Variants in TTC27 observed in about 807,000 individuals in gnomAD.
TTC27 encodes tetratricopeptide repeat protein 27.
TTC27 carries 79 observed loss-of-function variants against 115.9 expected under a neutral mutation model. That is an observed-to-expected ratio of 0.68 (90% CI 0.57 to 0.82). The LOEUF is 0.82. Among genes scored for constraint, TTC27 ranks in the 40% least tolerant of loss-of-function variants. TTC27 has a pLI of 0.00. For synonymous variants in TTC27, 401 were observed against 356.0 expected, an observed-to-expected ratio of 1.13 and a Z score of -1.42; for missense variants, 1,054 against 993.1, an observed-to-expected ratio of 1.06 and a Z score of -0.82.
intron 12 of TTC27, among the ~76,000 whole-genome samples, chr2:32,748,067 CT>C (rs36097812): frequency 4.6e-5 from 7 of 151,732 alleles, no homozygotes; most frequent in Non-Finnish European, 1.0e-4. Context: ...GATTTGAGAA[CT>C]TTTTTTTCAA....
intron 13 of TTC27, among the ~76,000 whole-genome samples, chr2:32,762,172 G>T (rs555901232): frequency 6.6e-6 from 1 of 152,154 alleles, no homozygotes; most frequent in African/African-American, 2.4e-5. Flanking sequence ...TGTTGGAGTC[G>T]GCTTTGAAAG....
At chr2:32,804,800 G>T (rs1281659693) in intron 16 of TTC27, among the ~76,000 whole-genome samples, 2 of 151,664 alleles carry the variant, frequency 1.3e-5, no homozygotes, top group East Asian at 3.9e-4. Flanking sequence ...AGATTAGAAA[G>T]AAATTTATTC....
chr2:32,711,309 C>T (rs10153736), intron 10 of TTC27, among the ~76,000 whole-genome samples: 46,938 of 151,946 alleles, frequency 0.31, 8,044 homozygotes, highest in Non-Finnish European at 0.38. Context: ...CTTCTGCCTC[C>T]GCAGGGTAGT....
At chr2:32,741,657 AC>A (rs1343414781) in intron 12 of TTC27, among the ~76,000 whole-genome samples, 1 of 118,674 alleles carries the variant, frequency 8.4e-6, no homozygotes, top group African/African-American at 3.5e-5. Context: ...AATAAAAAAA[AC>A]AAAAAACAAA....
intron 9 of TTC27, among the ~76,000 whole-genome samples, chr2:32,700,845 A>G (rs1667161014): frequency 6.6e-6 from 1 of 152,216 alleles, no homozygotes; most frequent in Admixed American, 6.5e-5. Flanking sequence ...CTGCCTGAAA[A>G]GTCTTGAGAT....
chr2:32,729,131 C>T (rs572171410), intron 10 of TTC27, among the ~76,000 whole-genome samples: 28 of 152,242 alleles, frequency 1.8e-4, no homozygotes, highest in East Asian at 5.8e-4. Context: ...CCAATGAACA[C>T]GTAGATGTCA....
At chr2:32,670,942 GTTGT>G (rs1015958387) in intron 7 of TTC27, among the ~76,000 whole-genome samples, 8 of 104,676 alleles carry the variant, frequency 7.6e-5, no homozygotes, top group African/African-American at 2.1e-4. Flanking sequence ...TTTAATTTGA[GTTGT>G]TTGTCTTCTT....
intron 9 of TTC27, among the ~76,000 whole-genome samples, chr2:32,692,777 G>A (rs1219315680): frequency 6.6e-6 from 1 of 152,036 alleles, no homozygotes; most frequent in Non-Finnish European, 1.5e-5. Context: ...TTCAAGACCA[G>A]CCTGGCCAAC....
At chr2:32,676,243 A>T (rs1274932543) in intron 8 of TTC27, among the ~76,000 whole-genome samples, 1 of 151,104 alleles carries the variant, frequency 6.6e-6, no homozygotes, top group African/African-American at 2.4e-5. Context: ...CCTCTCTTAT[A>T]CCTCATTCTA....
At chr2:32,784,512 T>C (rs1186672883) in intron 15 of TTC27, among the ~76,000 whole-genome samples, 1 of 152,238 alleles carries the variant, frequency 6.6e-6, no homozygotes, top group Non-Finnish European at 1.5e-5. Context: ...ACTAAAGTGC[T>C]CTCTTTGCTG....
chr2:32,690,013 G>C (rs1341333312), intron 9 of TTC27, among the ~76,000 whole-genome samples: 2 of 152,098 alleles, frequency 1.3e-5, no homozygotes, highest in Admixed American at 6.6e-5. Flanking sequence ...TGGGGAACTG[G>C]GTGAAGGATA....
chr2:32,773,312 TG>T (rs1558336584), intron 13 of TTC27, among the ~76,000 whole-genome samples: 1 of 152,222 alleles, frequency 6.6e-6, no homozygotes, highest in East Asian at 1.9e-4. Context: ...CCTCCATTCT[TG>T]CCCCATCCTG....
intron 12 of TTC27, among the ~76,000 whole-genome samples, chr2:32,754,795 C>T (rs182979077): frequency 0.34 from 47,736 of 140,826 alleles, 8,646 homozygotes; most frequent in Non-Finnish European, 0.38. Flanking sequence ...ACCTCCCTCC[C>T]GGACGGGGCG....
rs182338408 is a variant in TTC27, at chr2:32,803,994, G to A, written c.1999-7030G>A. On this transcript the variant is annotated intron_variant, in intron 16 of 19. Coordinates refer to ENST00000317907, the MANE Select transcript of TTC27 (RefSeq NM_017735.5). Reference sequence around the variant, plus strand: ...TGCACTCCAGCCTGGGCGACAGAGCGAGACTCCATCTCAATTAAAAAAAAA... The same window carrying A: ...TGCACTCCAGCCTGGGCGACAGAGCAAGACTCCATCTCAATTAAAAAAAAA... 1.0e-3 allele frequency among the ~76,000 whole-genome samples: 146 copies of A among 145,806 alleles called. 1 individual carries two copies. Among genetic ancestry groups the A allele is most frequent in the Middle Eastern group, 3.7e-3 (1 of 268 alleles).
At chr2:32,703,341 C>T (rs1173777954) in intron 10 of TTC27, among the ~76,000 whole-genome samples, 1 of 152,140 alleles carries the variant, frequency 6.6e-6, no homozygotes, top group Non-Finnish European at 1.5e-5. Context: ...GTGGTGGGTG[C>T]CTGTAATCCC....
intron 13 of TTC27, among the ~76,000 whole-genome samples, chr2:32,761,162 A>G (rs1669422962): frequency 6.6e-6 from 1 of 151,968 alleles, no homozygotes; most frequent in Non-Finnish European, 1.5e-5. Flanking sequence ...TCTTCCTCCC[A>G]AGCTTATCCT....
chr2:32,662,385 A>C (rs1294981156), intron 5 of TTC27, among the ~76,000 whole-genome samples: 4 of 152,102 alleles, frequency 2.6e-5, no homozygotes, highest in African/African-American at 9.7e-5. Flanking sequence ...TCGGCTGTGA[A>C]TCTGTCTGGT....
chr2:32,628,372 T>C lies in TTC27; in HGVS notation c.80T>C (p.Val27Ala). The C allele has an allele frequency of 6.2e-7, 1 of 1,601,672 alleles. No homozygotes were observed. ...ERQQWKQEGVVGSESGSFLQL... is the reference protein window; with the variant it reads ...ERQQWKQEGVAGSESGSFLQL... ...CAGCAATGGAAACAGGAGGGGGTCG[T>C]CGGTTCAGGTGAGAGGCGCACCTAC... The change falls in exon 1 of 20, where the codon GTC becomes GCC. Residue 27 changes from valine (V) to alanine (A), a missense_variant. By Grantham distance (64) the Val-to-Ala change is moderately conservative. Coordinates refer to ENST00000317907, the MANE Select transcript of TTC27 (RefSeq NM_017735.5).
intron 4 of TTC27, among the ~76,000 whole-genome samples, chr2:32,640,818 A>T (rs1464065996): frequency 6.6e-6 from 1 of 152,140 alleles, no homozygotes. Context: ...CCCCATCTCT[A>T]CTAAAAATAC....
Sources: allele counts gnomAD v4.1 joint callset (sites outside exome capture counted in the v4.1 genomes callset), GRCh38; gene constraint gnomAD v4.1.1; transcripts MANE v1.5; gene names NCBI Gene and HGNC (gene_info 2026-07-23, HGNC 2026-07-21).